The following DSC3 variants were observed in gnomAD, a reference collection of about 807,000 sequenced individuals.
DSC3 encodes the protein desmocollin 3.
DSC3 carries 97 observed loss-of-function variants against 89.5 expected under a neutral mutation model. The ratio of observed to expected loss-of-function variants is 1.08; its 90% CI spans 0.92 to 1.28. The LOEUF (loss-of-function observed/expected upper bound fraction) is 1.28, where lower values mean the gene tolerates loss of function less well. Ranked by LOEUF, DSC3 falls within the 50% of genes most tolerant of loss-of-function variation. DSC3 has a pLI of 0.00. For missense variants in DSC3, 1,199 were observed against 1,085.3 expected (o/e 1.10, Z -1.47); for synonymous variants, 436 against 384.1 (o/e 1.14, Z -1.58).
Position 31,004,374 on chromosome 18 carries a change from A to C in DSC3, c.1889-8T>G, listed in dbSNP as rs199752946. ...AAAGACGGGCAGCTGTATCTGAAAG[A>C]AAATAAAAGAAGTTTATTTTTTAAT... On this transcript the variant is annotated splice_polypyrimidine_tract_variant and splice_region_variant and intron_variant, in intron 12 of 15. Coordinates refer to ENST00000360428, the MANE Select transcript of DSC3 (RefSeq NM_001941.5). 6.2e-7 allele frequency: 1 copy of C among 1,609,184 alleles called. No individual in the cohort carries two copies. Among genetic ancestry groups the C allele is most frequent in the Non-Finnish European group, 8.5e-7 (1 of 1,176,158 alleles).
At position 30,996,262 on chromosome 18, in the gene DSC3, G is replaced by C. The variant is rs1053464947; in HGVS notation, c.2493+529C>G. 2.6e-5 allele frequency among the ~76,000 whole-genome samples: 4 copies of C among 152,134 alleles called. No homozygotes were observed. In the East Asian group the frequency reaches 7.7e-4, roughly 29 times the overall value. ...AATAAGTATTTGAGGTGATGCATAT[G>C]TTAAGTGTGATTTAATCATTCTACA... On this transcript the variant is annotated intron_variant, in intron 15 of 15. Transcript: ENST00000360428.
rs1044280219 is a variant in DSC3, at chr18:31,022,204, T to G, written c.942+132A>C. The G allele has an allele frequency of 6.3e-6, 7 of 1,106,166 alleles. No individual in the cohort carries two copies. The African/African-American group carries it at 1.1e-4, about 18-fold the overall frequency. 68.5% of individuals were successfully genotyped at this position (1,106,166 alleles called of 1,614,324 possible). A position where few individuals can be genotyped will look rare whatever the true frequency, so the allele number is the denominator to read the frequency against. Reference sequence around the variant, plus strand: ...AAATAATATAAAAAACAGAAAAAATTGTTAGGAATTCTTATTGTCTTATGC... The same window carrying G: ...AAATAATATAAAAAACAGAAAAAATGGTTAGGAATTCTTATTGTCTTATGC... On this transcript the variant is annotated intron_variant, in intron 7 of 15. Transcript: ENST00000360428.
At chr18:31,025,461 G>A (rs1036819240) in intron 5 of DSC3, among the ~76,000 whole-genome samples, 2 of 152,102 alleles carry the variant, frequency 1.3e-5, no homozygotes, top group Non-Finnish European at 1.5e-5. Context: ...GTAAGAAAGA[G>A]AGAGAGATTA....
chr18:31,030,095 T>C (rs1263805725), intron 3 of DSC3, among the ~76,000 whole-genome samples: 4 of 152,162 alleles, frequency 2.6e-5, no homozygotes, highest in Non-Finnish European at 5.9e-5. Flanking sequence ...CCACCATAAG[T>C]CATGTGATTA....
Position 30,994,024 on chromosome 18 carries a change from A to C in DSC3, c.*151T>G, listed in dbSNP as rs1044068821. 2.6e-5 allele frequency: 20 copies of C among 775,622 alleles called. No individual in the cohort carries two copies. The highest frequency in any genetic ancestry group is 3.8e-4 in the Middle Eastern group (1 of 2,642). The allele number at this position is 775,622 out of a possible 1,614,324, so 48.0% of individuals were successfully genotyped here. A position where few individuals can be genotyped will look rare whatever the true frequency, so the allele number is the denominator to read the frequency against. On this transcript the variant is annotated 3_prime_UTR_variant, in exon 16 of 16. Coordinates refer to ENST00000360428, the MANE Select transcript of DSC3 (RefSeq NM_001941.5). ...TCACTTTTTGGAAAAGATAAGCAAC[A>C]ACTTGCTTTAAAAATATAAATTGGT...
At chr18:31,011,175 GTTAT>G (rs1388998801) in intron 9 of DSC3, among the ~76,000 whole-genome samples, 2 of 152,200 alleles carry the variant, frequency 1.3e-5, no homozygotes, top group East Asian at 1.9e-4. Context: ...CATTGGGAAA[GTTAT>G]TTAGTCTCTT....
intron 9 of DSC3, 139 bp from the exon 10 acceptor site, chr18:31,008,664 T>A: frequency 8.7e-7 from 1 of 1,153,902 alleles, no homozygotes; most frequent in Non-Finnish European, 1.3e-6. Flanking sequence ...TTTTATCCCT[T>A]GCTAAACAGA....
At chr18:31,028,799 T>C (rs1985683779) in intron 4 of DSC3, among the ~76,000 whole-genome samples, 1 of 152,124 alleles carries the variant, frequency 6.6e-6, no homozygotes, top group Non-Finnish European at 1.5e-5. Flanking sequence ...AATTTCTCCT[T>C]ATTATTAAGA....
intron 7 of DSC3, among the ~76,000 whole-genome samples, chr18:31,020,997 G>T (rs1350069960): frequency 6.6e-6 from 1 of 151,426 alleles, no homozygotes; most frequent in African/African-American, 2.4e-5. Context: ...ACCTTAAAAT[G>T]CTCTTCCCGT....
rs1313586 is a variant in DSC3, at chr18:31,006,998, A to T, written c.1797T>A (p.Pro599=). ...ATGGAGCTCCATGGACAGGTTCATC[A>T]GGATCAACAGCTAAAATGTCGGTAT... ...MGYTDILAVD[P]DEPVHGAPFY... Residue 599 remains proline, a synonymous_variant, in exon 12 of 16, where the codon CCT becomes CCA. Coordinates refer to ENST00000360428, the MANE Select transcript of DSC3 (RefSeq NM_001941.5). The T allele has an allele frequency of 1.9e-6, 3 of 1,613,612 alleles. No homozygotes were observed. Among genetic ancestry groups the T allele is most frequent in the Non-Finnish European group, 2.5e-6 (3 of 1,179,896 alleles).
intron 1 of DSC3, among the ~76,000 whole-genome samples, chr18:31,039,971 C>A (rs563504814): frequency 4.0e-4 from 61 of 152,128 alleles, no homozygotes; most frequent in Non-Finnish European, 8.7e-4. Flanking sequence ...TTAGAAATTA[C>A]TATACTCCCT....
Position 30,997,000 on chromosome 18 carries a change from C to G in DSC3, c.2284G>C (p.Gly762Arg). Residue 762 changes from glycine to arginine, a missense_variant, in exon 15 of 16, where the codon GGT becomes CGT. Transcript: ENST00000360428. Reference sequence around the variant, plus strand: ...CCTGATCCCATAGTACCACAAAAACCTTGGCTAGAGTTGTTGGTAGTTTGG... The same window carrying G: ...CCTGATCCCATAGTACCACAAAAACGTTGGCTAGAGTTGTTGGTAGTTTGG... ...MTQTTNNSSQ[G>R]FCGTMGSGMK... 1.2e-6 allele frequency: 2 copies of G among 1,614,124 alleles called. No homozygotes were observed. Among genetic ancestry groups the G allele is most frequent in the East Asian group, 2.2e-5 (1 of 44,870 alleles).
chr18:31,015,061 G>A (rs1160025950), intron 9 of DSC3, among the ~76,000 whole-genome samples: 5 of 152,040 alleles, frequency 3.3e-5, no homozygotes, highest in African/African-American at 9.7e-5. Flanking sequence ...CTTGATTCAT[G>A]GTAGCTACTT....
chr18:31,030,549 A>G (rs1361104190), intron 3 of DSC3, among the ~76,000 whole-genome samples: 1 of 152,180 alleles, frequency 6.6e-6, no homozygotes, highest in Non-Finnish European at 1.5e-5. Context: ...ACAAAAGACA[A>G]TAGTTAGAAT....
chr18:31,022,538 A>G, intron 6 of DSC3, 36 bp from the exon 7 acceptor site: 3 of 1,609,438 alleles, frequency 1.9e-6, no homozygotes, highest in Non-Finnish European at 2.6e-6. Context: ...TTTAATTTAC[A>G]GAATTGTTAA....
In DSC3 at chr18:31,020,501, T is replaced by C. The variant is rs1327640041; in HGVS notation, c.943-1701A>G. On this transcript the variant is annotated intron_variant, in intron 7 of 15. Coordinates refer to ENST00000360428, the MANE Select transcript of DSC3 (RefSeq NM_001941.5). Reference sequence around the variant, plus strand: ...GGTGATGGTGAATTGAAGTCATTAATTTGTGGTACAATCATCTTTGTGGCC... The same window carrying C: ...GGTGATGGTGAATTGAAGTCATTAACTTGTGGTACAATCATCTTTGTGGCC... Among the ~76,000 whole-genome samples, 8 of 152,322 alleles carry C rather than the reference T, an allele frequency of 5.3e-5. No individual in the cohort carries two copies. In the East Asian group the frequency reaches 1.5e-3, roughly 29 times the overall value.
rs143370978 is a variant in DSC3 at position 30,994,130 on chromosome 18, A to C, written c.*45T>G. The C allele has an allele frequency of 6.3e-7, 1 of 1,576,086 alleles. No individual in the cohort carries two copies. Among genetic ancestry groups the C allele is most frequent in the African/African-American group, 1.3e-5 (1 of 74,250 alleles). On this transcript the variant is annotated 3_prime_UTR_variant, in exon 16 of 16. Transcript: ENST00000360428. Reference sequence around the variant, plus strand: ...TGAACTTTACAATATTATTTTTGGAAACCTCCAGAATGTCTGACAAAGACC... The same window carrying C: ...TGAACTTTACAATATTATTTTTGGACACCTCCAGAATGTCTGACAAAGACC...
At chr18:31,027,006 A>G (rs1346327052) in intron 4 of DSC3, among the ~76,000 whole-genome samples, 1 of 152,154 alleles carries the variant, frequency 6.6e-6, no homozygotes, top group African/African-American at 2.4e-5. Context: ...CACTTTTACA[A>G]GAAAGGAATA....
At chr18:31,033,350 C>G (rs192619393) in intron 1 of DSC3, among the ~76,000 whole-genome samples, 5 of 152,088 alleles carry the variant, frequency 3.3e-5, no homozygotes, top group Admixed American at 3.3e-4. Flanking sequence ...GACCTATTTA[C>G]CAATTTCAAA....
Sources: gnomAD v4.1 joint callset for allele counts (sites outside exome capture counted in the v4.1 genomes callset) on GRCh38, gnomAD v4.1.1 for gene constraint, MANE v1.5 for transcripts, NCBI Gene and HGNC (gene_info 2026-07-23, HGNC 2026-07-21) for gene names.